KCNC4: variants seen among roughly 807,000 people sequenced by gnomAD.
The protein encoded by KCNC4 is potassium voltage-gated channel subfamily C member 4, also known as voltage-gated potassium channel KCNC4.
Under a neutral mutation model 42.8 loss-of-function variants are expected in KCNC4, and 23 were observed. The observed-to-expected ratio is 0.54, with a 90% CI of 0.39 to 0.76. KCNC4 has a LOEUF of 0.76. Ranked by LOEUF, KCNC4 falls within the 30% of genes least tolerant of loss-of-function variation. KCNC4 has a pLI of 0.00. For missense variants in KCNC4, 751 were observed against 898.2 expected (o/e 0.84, Z 2.10); for synonymous variants, 422 against 393.5 (o/e 1.07, Z -0.86).
chr1:110,283,630 C>T, downstream of KCNC4, among the ~76,000 whole-genome samples: 1 of 152,194 alleles, frequency 6.6e-6, no homozygotes, highest in East Asian at 1.9e-4. Context: ...CTGGGGACTA[C>T]TGACTGGGCC....
At position 110,226,145 on chromosome 1, in the gene KCNC4, G is replaced by A. The variant is rs773560393; in HGVS notation, c.1786G>A (p.Asp596Asn). 7 of 1,614,034 alleles carry A rather than the reference G, an allele frequency of 4.3e-6. No individual in the cohort carries two copies. The highest frequency in any genetic ancestry group is 2.7e-5 in the African/African-American group (2 of 74,924). Reference protein sequence around the residue: ...AAACFLLSTGDYACADGSVRK... With the variant: ...AAACFLLSTGNYACADGSVRK... Reference sequence around the variant, plus strand: ...TGCCTGCTTCCTGCTCAGCACTGGGGACTATGCCTGCGCCGATGGTAGTGT... The same window carrying A: ...TGCCTGCTTCCTGCTCAGCACTGGGAACTATGCCTGCGCCGATGGTAGTGT... Residue 596 changes from aspartate (D) to asparagine (N), a missense_variant, in exon 3 of 4, where the codon GAC (aspartate) becomes AAC (asparagine). By Grantham distance (23) the Asp-to-Asn change is conservative. Transcript: ENST00000438661.
chr1:110,281,078 TGCGG>T (rs978650752), intron 1 of KCNC4, among the ~76,000 whole-genome samples: 3 of 152,120 alleles, frequency 2.0e-5, no homozygotes, highest in African/African-American at 7.2e-5. Context: ...GTGGTGGTGG[TGCGG>T]GGGCTTCTGG....
chr1:110,224,777 T>G (rs1658297740), intron 2 of KCNC4: 1 of 152,304 alleles, frequency 6.6e-6, no homozygotes, highest in Non-Finnish European at 1.5e-5. Context: ...AAAGGCATCC[T>G]GACTGTTATG....
downstream of KCNC4, among the ~76,000 whole-genome samples, chr1:110,250,981 C>G (rs963863417): frequency 1.3e-5 from 2 of 152,162 alleles, no homozygotes; most frequent in Non-Finnish European, 2.9e-5. Flanking sequence ...GGGGACGGGA[C>G]TAGGGCCATG....
In KCNC4 at chr1:110,211,689, T is replaced by G. The variant is rs1379564669; in HGVS notation, c.190T>G (p.Trp64Gly). The change falls in exon 1 of 4, where the codon TGG (tryptophan) becomes GGG (glycine). Residue 64 changes from tryptophan to glycine, a missense_variant. By Grantham distance (184) the Trp-to-Gly change is radical. Around this residue, in one of 4 missense-constraint regions of KCNC4, gnomAD observed 183 missense variants for 255.8 expected, o/e 0.72. Transcript: ENST00000438661. The surrounding 1 kb of genome is among the most constrained non-coding windows in gnomAD (Gnocchi z 6.5). ...CACCCTACCGGGAACCCGCCTCGCC[T>G]GGCTGGCCGACCCCGACGGCGGGGG... ...LRTLPGTRLAWLADPDGGGRP... is the reference protein window; with the variant it reads ...LRTLPGTRLAGLADPDGGGRP... The G allele has an allele frequency of 6.2e-7, 1 of 1,611,096 alleles. No individual in the cohort carries two copies. The highest frequency in any genetic ancestry group is 1.3e-5 in the African/African-American group (1 of 74,980).
intron 1 of KCNC4, 40 bp from the exon 2 acceptor site, chr1:110,222,924 T>C: frequency 2.0e-6 from 3 of 1,512,362 alleles, no homozygotes; most frequent in African/African-American, 2.7e-5. Flanking sequence ...CATCCATCCC[T>C]GTCTGACAGC....
rs545065543 is a variant in KCNC4 at position 110,212,158 on chromosome 1, A to G, written c.659A>G (p.Tyr220Cys). ...ATGTGGGCGCTCTTCGAGGATCCCT[A>G]CTCCTCCCGGGCCGCTAGGGTGAGT... The part of the protein sequence containing the change: ...PRMWALFEDP[Y>C]SSRAARVVAF... Residue 220 changes from tyrosine to cysteine, a missense_variant, in exon 1 of 4, where the codon TAC becomes TGC. Coordinates refer to ENST00000438661, the MANE Select transcript of KCNC4 (RefSeq NM_001039574.3). 1.3e-6 allele frequency: 2 copies of G among 1,505,514 alleles called. No individual in the cohort carries two copies. The highest frequency in any genetic ancestry group is 1.7e-6 in the Non-Finnish European group (2 of 1,143,962). 93.3% of individuals were successfully genotyped at this position (1,505,514 alleles called of 1,614,324 possible).
intron 1 of KCNC4, among the ~76,000 whole-genome samples, chr1:110,281,555 A>AC (rs71752517): frequency 0.045 from 6,299 of 140,384 alleles, 277 homozygotes; most frequent in African/African-American, 0.11. Context: ...CATATGTAAA[A>AC]ACACACACAC....
At position 110,211,826 on chromosome 1, in the gene KCNC4, C is replaced by G. The variant is rs764761061; in HGVS notation, c.327C>G (p.Tyr109Ter). 5 of 1,611,644 alleles carry G rather than the reference C, an allele frequency of 3.1e-6. No individual in the cohort carries two copies. Among genetic ancestry groups the G allele is most frequent in the African/African-American group, 1.3e-5 (1 of 74,986 alleles). The change falls in exon 1 of 4, where the codon TAC (tyrosine) becomes TAG (stop). Residue 109 changes from tyrosine to a stop codon, truncating the protein, a stop_gained. Transcript: ENST00000438661. LOFTEE classifies it high-confidence loss of function. This position sits in a 1 kb window ranked among gnomAD's most constrained non-coding sequence, Gnocchi z 6.5. ...GCGTCTTCGCCTACGTGCTCAACTA[C>G]TACCGCACCGGCAAGCTGCACTGCC... ...HPGVFAYVLN[Y>*]YRTGKLHCPA...
rs191842575 is a variant in KCNC4, at chr1:110,258,421, A to G, written n.31-24113A>G. ...CCCAGCTAATCTTTGTACTTTTAGTAGAGACGAGGTTTCACCACATTGGCC... is the reference window on the plus strand; with the variant it reads ...CCCAGCTAATCTTTGTACTTTTAGTGGAGACGAGGTTTCACCACATTGGCC... On this transcript the variant is annotated intron_variant and non_coding_transcript_variant, in intron 1 of 2. Coordinates refer to the KCNC4 transcript ENST00000412512. Among the ~76,000 whole-genome samples the G allele has an allele frequency of 3.3e-5, 5 of 152,292 alleles. No homozygotes were observed. In the East Asian group the frequency reaches 9.6e-4, roughly 29 times the overall value.
chr1:110,220,774 C>G (rs1658054363), intron 1 of KCNC4: 1 of 152,290 alleles, frequency 6.6e-6, no homozygotes, highest in East Asian at 1.9e-4. Flanking sequence ...ATGGAGAGCC[C>G]ACAGGCTGGA....
chr1:110,221,927 C>G (rs914352601), intron 1 of KCNC4: 2 of 152,194 alleles, frequency 1.3e-5, no homozygotes, highest in Admixed American at 1.3e-4. Context: ...ATTACACATG[C>G]ATTTCATCTC....
intron 1 of KCNC4, among the ~76,000 whole-genome samples, chr1:110,254,481 C>T (rs1659298541): frequency 6.6e-6 from 1 of 152,224 alleles, no homozygotes; most frequent in Admixed American, 6.5e-5. Flanking sequence ...CATCTTGTGG[C>T]TTATCTGCCA....
chr1:110,256,333 T>C (rs2101071014), intron 1 of KCNC4, among the ~76,000 whole-genome samples: 1 of 152,290 alleles, frequency 6.6e-6, no homozygotes, highest in Middle Eastern at 3.4e-3. Context: ...AGTCCCTAGA[T>C]TCAGAGGGAT....
rs1428813592 is a variant in KCNC4, at chr1:110,223,165, C to G, written c.880C>G (p.Leu294Val). 6.2e-7 allele frequency: 1 copy of G among 1,614,236 alleles called. No homozygotes were observed. The highest frequency in any genetic ancestry group is 1.1e-5 in the South Asian group (1 of 91,090). Residue 294 changes from leucine to valine, a missense_variant, in exon 2 of 4, where the codon CTG (leucine) becomes GTG (valine). Leu to Val is a conservative substitution (Grantham distance 32, BLOSUM62 1). Transcript: ENST00000438661. The surrounding 1 kb of genome is among the most constrained non-coding windows in gnomAD (Gnocchi z 7.5). ...IEGVCVLWFT[L>V]EFLVRIVCCP... ...GGGCGTATGTGTGCTGTGGTTCACA[C>G]TGGAGTTCCTGGTGCGCATCGTGTG...
exon 4 of KCNC4, chr1:110,239,057 G>A (rs956472845): frequency 2.6e-5 from 4 of 152,256 alleles, no homozygotes; most frequent in Non-Finnish European, 5.9e-5. Context: ...CCAGTCACCA[G>A]AGAGAGAGCT....
At chr1:110,279,267 C>T (rs1262056861) in intron 1 of KCNC4, among the ~76,000 whole-genome samples, 1 of 152,140 alleles carries the variant, frequency 6.6e-6, no homozygotes, top group Non-Finnish European at 1.5e-5. Flanking sequence ...ATAGAGTCGG[C>T]ATTCTGATTT....
intron 1 of KCNC4, among the ~76,000 whole-genome samples, chr1:110,263,085 G>A (rs1031124882): frequency 1.8e-4 from 28 of 152,318 alleles, no homozygotes; most frequent in African/African-American, 6.7e-4. Context: ...GTGGTGGAGG[G>A]AGTTGCCATG....
At chr1:110,222,658 A>G (rs1055148614) in intron 1 of KCNC4, 8 of 314,000 alleles carry the variant, frequency 2.5e-5, no homozygotes, top group East Asian at 2.3e-4. Context: ...TTAAAATGCA[A>G]ATGGGTCAGA....
Sources: allele counts gnomAD v4.1 joint callset (sites outside exome capture counted in the v4.1 genomes callset), GRCh38; gene constraint gnomAD v4.1.1; regional missense constraint gnomAD v4.1.1; non-coding constraint Gnocchi (gnomAD v3.1); transcripts MANE v1.5; gene names NCBI Gene and HGNC (gene_info 2026-07-23, HGNC 2026-07-21).